The following AFG2A variants were observed in gnomAD, a reference collection of about 807,000 sequenced individuals.
AFG2A encodes the protein AAA ATPase AFG2A.
At chr4:122,925,304 G>C in the AFG2A span, among the ~76,000 whole-genome samples, 3 of 152,150 alleles carry the variant, frequency 2.0e-5, no homozygotes, top group African/African-American at 7.2e-5. Context: ...TGATTTTCCA[G>C]CTTCCAATTT....
chr4:123,034,947 T>C, the AFG2A span, among the ~76,000 whole-genome samples: 1 of 152,110 alleles, frequency 6.6e-6, no homozygotes, highest in Admixed American at 6.6e-5. Context: ...TGAAGAAGAT[T>C]GTGGATTTCA....
chr4:123,191,361 C>CT, the AFG2A span, among the ~76,000 whole-genome samples: 7,766 of 142,782 alleles, frequency 0.054, 354 homozygotes, highest in African/African-American at 0.12. Flanking sequence ...ACTCTGGACT[C>CT]TTTTTTTTTT....
chr4:123,094,652 A>G, the AFG2A span, among the ~76,000 whole-genome samples: 3 of 152,112 alleles, frequency 2.0e-5, no homozygotes, highest in African/African-American at 4.8e-5. Context: ...CTGACAAAAA[A>G]GCTAAAGGAA....
chr4:123,072,827 A>C, the AFG2A span, among the ~76,000 whole-genome samples: 1 of 152,114 alleles, frequency 6.6e-6, no homozygotes, highest in African/African-American at 2.4e-5. Flanking sequence ...TTTATGGAAG[A>C]ACAAACTTCT....
At chr4:123,147,072 T>C in the AFG2A span, among the ~76,000 whole-genome samples, 1 of 152,200 alleles carries the variant, frequency 6.6e-6, no homozygotes, top group Non-Finnish European at 1.5e-5. Flanking sequence ...TTATATTATA[T>C]ATTTGTGTTC....
chr4:123,313,950 C>T, the AFG2A span: 4 of 1,613,002 alleles, frequency 2.5e-6, no homozygotes, highest in South Asian at 1.1e-5. Context: ...AAGCCAATCT[C>T]ATCATGAAAA....
the AFG2A span, among the ~76,000 whole-genome samples, chr4:122,984,136 GT>G: frequency 2.0e-5 from 3 of 152,116 alleles, no homozygotes; most frequent in Non-Finnish European, 4.4e-5. Context: ...ATTTCTTTCA[GT>G]TGTGTTTTGT....
chr4:123,103,492 C>CGGTGT, the AFG2A span, among the ~76,000 whole-genome samples: 1 of 151,946 alleles, frequency 6.6e-6, no homozygotes. Flanking sequence ...TTTAGAAGTA[C>CGGTGT]GGTGTGTGTT....
chr4:123,270,402 C>G, the AFG2A span, among the ~76,000 whole-genome samples: 2 of 152,120 alleles, frequency 1.3e-5, no homozygotes, highest in Non-Finnish European at 2.9e-5. Context: ...TACATGTATA[C>G]CTTCTGTGGG....
the AFG2A span, among the ~76,000 whole-genome samples, chr4:123,289,965 T>C: frequency 1.1e-4 from 16 of 152,252 alleles, 1 homozygote; most frequent in African/African-American, 3.9e-4. Flanking sequence ...ATCACCTAAG[T>C]ATTAAACCCA....
the AFG2A span, among the ~76,000 whole-genome samples, chr4:123,250,514 C>T: frequency 6.6e-6 from 1 of 152,104 alleles, no homozygotes; most frequent in Non-Finnish European, 1.5e-5. Context: ...AGGTGAACTC[C>T]CTGGAATTAT....
At chr4:123,163,823 G>A in the AFG2A span, among the ~76,000 whole-genome samples, 3 of 152,192 alleles carry the variant, frequency 2.0e-5, no homozygotes, top group African/African-American at 7.2e-5. Context: ...CTTGTTTTAT[G>A]CAGAAGTAAA....
At chr4:122,961,785 A>C in the AFG2A span, among the ~76,000 whole-genome samples, 1 of 152,324 alleles carries the variant, frequency 6.6e-6, no homozygotes, top group East Asian at 1.9e-4. Flanking sequence ...GATTACAAGC[A>C]TGAACCACTG....
chr4:123,256,230 A>G, the AFG2A span: 7 of 1,589,976 alleles, frequency 4.4e-6, no homozygotes, highest in South Asian at 1.1e-5. Flanking sequence ...GCGGTGGCTC[A>G]GGGTCATTAA....
the AFG2A span, among the ~76,000 whole-genome samples, chr4:123,081,200 C>A: frequency 6.6e-6 from 1 of 152,178 alleles, no homozygotes; most frequent in Admixed American, 6.5e-5. Context: ...ATATATCTAC[C>A]ATGATACTGT....
chr4:123,220,949 A>T, the AFG2A span, among the ~76,000 whole-genome samples: 2 of 152,162 alleles, frequency 1.3e-5, no homozygotes, highest in Non-Finnish European at 2.9e-5. Flanking sequence ...GGACATTTTA[A>T]AAAACCTACA....
the AFG2A span, among the ~76,000 whole-genome samples, chr4:123,243,733 A>G: frequency 6.6e-6 from 1 of 151,730 alleles, no homozygotes; most frequent in Non-Finnish European, 1.5e-5. Context: ...GTACCCTGTA[A>G]TTAAAAAAAA....
the AFG2A span, among the ~76,000 whole-genome samples, chr4:123,203,190 C>T: frequency 4.0e-5 from 6 of 149,150 alleles, no homozygotes; most frequent in Non-Finnish European, 5.9e-5. Context: ...TTGCTCTTAT[C>T]GCCCAGGCTG....
chr4:123,225,051 T>C, the AFG2A span, among the ~76,000 whole-genome samples: 1 of 152,222 alleles, frequency 6.6e-6, no homozygotes, highest in East Asian at 1.9e-4. Context: ...CACTTGTTGA[T>C]GGAGTTGTTT....
Sources: allele counts gnomAD v4.1 joint callset (sites outside exome capture counted in the v4.1 genomes callset), GRCh38; gene constraint gnomAD v4.1.1; transcripts MANE v1.5; gene names NCBI Gene and HGNC (gene_info 2026-07-23, HGNC 2026-07-21).